The following PTPRD variants were observed in gnomAD, a reference collection of about 807,000 sequenced individuals.
PTPRD encodes the protein protein tyrosine phosphatase receptor type D.
In PTPRD, 34 loss-of-function variants were observed where a neutral mutation model predicts 214.5. The ratio of observed to expected loss-of-function variants is 0.16; its 90% CI spans 0.12 to 0.21. The LOEUF (loss-of-function observed/expected upper bound fraction) is 0.21. Ranked by LOEUF, PTPRD falls within the 10% of genes least tolerant of loss-of-function variation. The probability of loss-of-function intolerance (pLI) is 1.00; values close to 1 mark genes in which losing one functional copy is unlikely to be tolerated. For missense variants in PTPRD, 2,545 were observed against 2,398.7 expected, an observed-to-expected ratio of 1.06 and a Z score of -1.27; for synonymous variants, 1,128 against 845.7, an observed-to-expected ratio of 1.33 and a Z score of -5.79.
At chr9:10,553,153 A>G (rs1312411597) in intron 2 of PTPRD, among the ~76,000 whole-genome samples, 1 of 152,116 alleles carries the variant, frequency 6.6e-6, no homozygotes, top group African/African-American at 2.4e-5. Context: ...CATCCAGCCT[A>G]AGGAGGAGAG....
At chr9:10,060,862 TTCC>T (rs1197400042) in intron 3 of PTPRD, among the ~76,000 whole-genome samples, 5 of 111,266 alleles carry the variant, frequency 4.5e-5, no homozygotes, top group African/African-American at 4.1e-4. Context: ...TCTTTCTTCC[TTCC>T]TTCTTTCCTT....
chr9:9,193,898 G>A (rs1367125623), intron 9 of PTPRD, among the ~76,000 whole-genome samples: 1 of 151,996 alleles, frequency 6.6e-6, no homozygotes, highest in Non-Finnish European at 1.5e-5. Context: ...ATTAACCTTA[G>A]ATTACTGTAA....
intron 4 of PTPRD, among the ~76,000 whole-genome samples, chr9:10,032,313 C>T (rs2097097380): frequency 6.6e-6 from 1 of 152,130 alleles, no homozygotes; most frequent in South Asian, 2.1e-4. Flanking sequence ...AATTAGTAAG[C>T]TTATCCATGA....
At chr9:8,505,582 A>C (rs2097526685) in intron 22 of PTPRD, among the ~76,000 whole-genome samples, 1 of 146,468 alleles carries the variant, frequency 6.8e-6, no homozygotes, top group African/African-American at 2.6e-5. Context: ...AGATCGCGCC[A>C]CTGCACTCCA....
In PTPRD at chr9:10,438,587, T is replaced by C. The variant is rs371419380; in HGVS notation, c.-599-97570A>G. Among the ~76,000 whole-genome samples, 23 of 151,876 alleles carry C rather than the reference T, an allele frequency of 1.5e-4. No homozygotes were observed. In the East Asian group the frequency reaches 3.7e-3, roughly 24 times the overall value. On this transcript the variant is annotated intron_variant, in intron 2 of 45. Transcript: ENST00000381196. ...TGGTTGATTTCACATTCCATTATTA[T>C]AATAATTATTGTTTTTGTTTTTTAA...
At chr9:8,422,726 T>A (rs1046491331) in intron 35 of PTPRD, among the ~76,000 whole-genome samples, 2 of 152,154 alleles carry the variant, frequency 1.3e-5, no homozygotes, top group African/African-American at 4.8e-5. Flanking sequence ...ACAGAAGGAA[T>A]AGAAAAAGAA....
chr9:8,343,042 A>T (rs1052931320), intron 39 of PTPRD, among the ~76,000 whole-genome samples: 1 of 152,124 alleles, frequency 6.6e-6, no homozygotes, highest in Non-Finnish European at 1.5e-5. Flanking sequence ...TGCAACGAAG[A>T]TACCAGAACT....
intron 3 of PTPRD, among the ~76,000 whole-genome samples, chr9:10,078,621 C>T (rs2098178698): frequency 6.7e-6 from 1 of 150,296 alleles, no homozygotes; most frequent in Admixed American, 6.6e-5. Context: ...GGTGTTTGGT[C>T]ATCTAGTCTC....
At chr9:8,878,441 G>T (rs751487899) in intron 11 of PTPRD, among the ~76,000 whole-genome samples, 39 of 152,024 alleles carry the variant, frequency 2.6e-4, no homozygotes, top group Non-Finnish European at 2.1e-4. Context: ...AGTAAGAAGG[G>T]GTGGCATATG....
intron 5 of PTPRD, among the ~76,000 whole-genome samples, chr9:9,813,791 C>G (rs780403532): frequency 2.6e-5 from 4 of 152,002 alleles, no homozygotes; most frequent in Non-Finnish European, 4.4e-5. Flanking sequence ...CATACCAAAC[C>G]CAGATAAAGA....
intron 2 of PTPRD, among the ~76,000 whole-genome samples, chr9:10,528,005 C>G (rs1355962072): frequency 1.3e-5 from 2 of 151,918 alleles, no homozygotes; most frequent in East Asian, 1.9e-4. Flanking sequence ...TAATCATGAC[C>G]TAAACCTTCC....
chr9:10,100,768 C>T (rs2098544262), intron 3 of PTPRD, among the ~76,000 whole-genome samples: 1 of 151,558 alleles, frequency 6.6e-6, no homozygotes, highest in Non-Finnish European at 1.5e-5. Context: ...CATGCATTGT[C>T]TTACTTTACC....
intron 11 of PTPRD, among the ~76,000 whole-genome samples, chr9:8,993,771 G>T (rs28623505): frequency 2.0e-5 from 3 of 151,946 alleles, no homozygotes; most frequent in East Asian, 1.9e-4. Context: ...TTTCAGCAAA[G>T]AAATTTTTCT....
rs1364405201 is a variant in PTPRD, at chr9:9,732,213, A to G, written c.-287+2320T>C. ...AGGGAGAAAACTGAACAACCTTATT[A>G]GCTTTGAGATTTCTGGTATGTACTG... On this transcript the variant is annotated intron_variant, in intron 7 of 45. Coordinates refer to ENST00000381196, the MANE Select transcript of PTPRD (RefSeq NM_002839.4). 2.0e-5 allele frequency among the ~76,000 whole-genome samples: 3 copies of G among 152,124 alleles called. No homozygotes were observed. The East Asian group carries it at 5.8e-4, about 29-fold the overall frequency.
At chr9:9,622,291 C>T (rs2095270815) in intron 7 of PTPRD, among the ~76,000 whole-genome samples, 1 of 152,140 alleles carries the variant, frequency 6.6e-6, no homozygotes, top group Non-Finnish European at 1.5e-5. Context: ...CCTATTTTCT[C>T]ACAGGAAGAC....
intron 10 of PTPRD, among the ~76,000 whole-genome samples, chr9:9,086,308 G>A (rs533266830): frequency 6.6e-6 from 1 of 152,238 alleles, no homozygotes; most frequent in East Asian, 1.9e-4. Flanking sequence ...TTGATATGGA[G>A]ATGTTTGGTT....
At chr9:9,382,546 C>T (rs2062649461) in intron 9 of PTPRD, among the ~76,000 whole-genome samples, 1 of 151,994 alleles carries the variant, frequency 6.6e-6, no homozygotes, top group Non-Finnish European at 1.5e-5. Flanking sequence ...CCAAAGACAA[C>T]ATTCAAACAA....
chr9:10,117,714 G>C (rs909887214), intron 3 of PTPRD, among the ~76,000 whole-genome samples: 6 of 150,954 alleles, frequency 4.0e-5, no homozygotes, highest in Non-Finnish European at 8.8e-5. Flanking sequence ...TCAGTTAAGG[G>C]CATTTTCACA....
chr9:10,222,000 C>A (rs532684448), intron 3 of PTPRD, among the ~76,000 whole-genome samples: 2 of 151,518 alleles, frequency 1.3e-5, no homozygotes, highest in Admixed American at 6.6e-5. Context: ...TTACTTATAT[C>A]AGAAATAGAA....
Sources: gnomAD v4.1 joint callset for allele counts (sites outside exome capture counted in the v4.1 genomes callset) on GRCh38, gnomAD v4.1.1 for gene constraint, MANE v1.5 for transcripts, NCBI Gene and HGNC (gene_info 2026-07-23, HGNC 2026-07-21) for gene names.